NGLY1: variants seen among roughly 807,000 people sequenced by gnomAD.
NGLY1 encodes peptide-N(4)-(N-acetyl-beta-glucosaminyl)asparagine amidase.
In NGLY1, 68 loss-of-function variants were observed where a neutral mutation model predicts 84.6. That is an observed-to-expected ratio of 0.80 (90% CI 0.66 to 0.98). The LOEUF (loss-of-function observed/expected upper bound fraction) is 0.98, where lower values mean the gene tolerates loss of function less well. Ranked by LOEUF, NGLY1 falls within the 50% of genes least tolerant of loss-of-function variation. The probability of loss-of-function intolerance (pLI) is 0.00; values close to 1 mark genes in which losing one functional copy is unlikely to be tolerated. For missense variants in NGLY1, 779 were observed against 770.2 expected, an observed-to-expected ratio of 1.01 and a Z score of -0.14; for synonymous variants, 280 against 275.2, an observed-to-expected ratio of 1.02 and a Z score of -0.17.
intron 4 of NGLY1, among the ~76,000 whole-genome samples, chr3:25,741,888 CT>C (rs1321051619): frequency 2.6e-5 from 4 of 151,968 alleles, no homozygotes; most frequent in Admixed American, 1.3e-4. Flanking sequence ...GTAATCCCAG[CT>C]ACTCAGGAAG....
chr3:25,736,326 T>A (rs886284391), intron 6 of NGLY1, 177 bp from the exon 7 acceptor site: 2 of 1,551,554 alleles, frequency 1.3e-6, no homozygotes, highest in Non-Finnish European at 8.7e-7. Flanking sequence ...AATTTCTGTC[T>A]CTTTGAAATC....
chr3:25,737,257 TC>T (rs1381422319), intron 6 of NGLY1, 76 bp downstream of exon 6: 4 of 1,260,794 alleles, frequency 3.2e-6, no homozygotes, highest in Admixed American at 5.8e-5. Context: ...TAACAGAGAA[TC>T]ATGGGCTCAG....
intron 4 of NGLY1, among the ~76,000 whole-genome samples, chr3:25,740,799 T>C (rs1182558161): frequency 6.6e-6 from 1 of 152,100 alleles, no homozygotes; most frequent in Non-Finnish European, 1.5e-5. Context: ...TTTAATATAA[T>C]CCCAATTAAA....
intron 1 of NGLY1, among the ~76,000 whole-genome samples, chr3:25,779,619 T>C (rs1169499964): frequency 6.6e-6 from 1 of 152,186 alleles, no homozygotes; most frequent in Non-Finnish European, 1.5e-5. Context: ...TATGATATGG[T>C]GAGTAGGCAA....
intron 10 of NGLY1, among the ~76,000 whole-genome samples, chr3:25,722,354 T>C (rs1444593993): frequency 2.0e-5 from 3 of 152,024 alleles, no homozygotes; most frequent in East Asian, 3.9e-4. Flanking sequence ...GGGCAAATAG[T>C]TGAAAGTACC....
At chr3:25,732,283 A>G in intron 9 of NGLY1, 36 bp downstream of exon 9, 2 of 1,601,310 alleles carry the variant, frequency 1.2e-6, no homozygotes, top group Non-Finnish European at 1.7e-6. Context: ...GAAGCAGGAA[A>G]GTAAAAGGAT....
At chr3:25,742,086 C>T (rs1706175921) in intron 4 of NGLY1, among the ~76,000 whole-genome samples, 2 of 152,070 alleles carry the variant, frequency 1.3e-5, no homozygotes, top group South Asian at 4.1e-4. Flanking sequence ...TCACAAAGTC[C>T]ATAAAAGAAA....
intron 3 of NGLY1, among the ~76,000 whole-genome samples, chr3:25,756,271 A>C (rs1189208161): frequency 6.6e-6 from 1 of 152,136 alleles, no homozygotes; most frequent in African/African-American, 2.4e-5. Context: ...ATTGTTCTTA[A>C]ATGTAAAAGG....
At chr3:25,788,379 T>A (rs1057330960), upstream of NGLY1, among the ~76,000 whole-genome samples, 19 of 152,192 alleles carry the variant, frequency 1.2e-4, no homozygotes, top group African/African-American at 4.6e-4. Context: ...GAGGGTAGGA[T>A]AAGCAGAGCC....
At chr3:25,732,257 G>A in intron 9 of NGLY1, 62 bp downstream of exon 9, 1 of 1,495,814 alleles carries the variant, frequency 6.7e-7, no homozygotes, top group Non-Finnish European at 9.2e-7. Flanking sequence ...GATAGTATAG[G>A]AAGAGCATAG....
chr3:25,759,137 AGAG>A (rs1328546342), intron 3 of NGLY1, among the ~76,000 whole-genome samples: 3 of 152,184 alleles, frequency 2.0e-5, no homozygotes, highest in Non-Finnish European at 2.9e-5. Context: ...CATGGTGAAC[AGAG>A]GAGAAGGGAT....
chr3:25,786,028 G>A (rs1708594755), upstream of NGLY1, among the ~76,000 whole-genome samples: 1 of 152,226 alleles, frequency 6.6e-6, no homozygotes, highest in Admixed American at 6.5e-5. Flanking sequence ...TCACACAATA[G>A]TGAATCACTA....
At chr3:25,734,089 C>A (rs530091678) in intron 7 of NGLY1, 107 bp from the exon 8 acceptor site, 1 of 1,452,684 alleles carries the variant, frequency 6.9e-7, no homozygotes, top group South Asian at 1.3e-5. Context: ...TTTTTGGAGA[C>A]GAAGTCTCGC....
upstream of NGLY1, among the ~76,000 whole-genome samples, chr3:25,785,905 TATC>T (rs1350119897): frequency 1.3e-5 from 2 of 152,218 alleles, no homozygotes; most frequent in Non-Finnish European, 1.5e-5. Flanking sequence ...CACTGTAAGT[TATC>T]ATTAGTTTTG....
At chr3:25,742,773 G>A (rs1298497823) in intron 4 of NGLY1, among the ~76,000 whole-genome samples, 2 of 148,210 alleles carry the variant, frequency 1.3e-5, no homozygotes, top group African/African-American at 5.0e-5. Flanking sequence ...AAAATTCAAA[G>A]TCCCAACTCT....
In NGLY1 at chr3:25,783,369, T is replaced by C. The variant is rs1198660180; in HGVS notation, c.22A>G (p.Ser8Gly). The part of the protein sequence containing the change: MAAAALG[S>G]SSGSASPAVA... Reference sequence around the variant, plus strand: ...GCCGGGGACGCCGAGCCTGAGGAGCTGCCCAATGCCGCCGCCGCCATGCTT... The same window carrying C: ...GCCGGGGACGCCGAGCCTGAGGAGCCGCCCAATGCCGCCGCCGCCATGCTT... Residue 8 changes from serine to glycine, a missense_variant, in exon 1 of 12, where the codon AGC becomes GGC. Physicochemically the swap from Ser to Gly is moderately conservative, Grantham distance 56 (BLOSUM62 0). Coordinates refer to ENST00000280700, the MANE Select transcript of NGLY1 (RefSeq NM_018297.4). The surrounding 1 kb of genome is among the most constrained non-coding windows in gnomAD (Gnocchi z 4.5). The C allele has an allele frequency of 3.2e-6, 5 of 1,548,944 alleles. No individual in the cohort carries two copies. Among genetic ancestry groups the C allele is most frequent in the South Asian group, 1.2e-5 (1 of 85,112 alleles).
intron 2 of NGLY1, among the ~76,000 whole-genome samples, chr3:25,764,532 G>T (rs911538482): frequency 2.0e-5 from 3 of 151,788 alleles, no homozygotes; most frequent in South Asian, 2.1e-4. Flanking sequence ...CTCCTTTTTG[G>T]CATTTAATCC....
intron 2 of NGLY1, among the ~76,000 whole-genome samples, chr3:25,765,839 C>A (rs1355734288): frequency 2.0e-5 from 3 of 152,044 alleles, no homozygotes; most frequent in Non-Finnish European, 4.4e-5. Context: ...CTCAAGCGAT[C>A]TTCCATCCTC....
upstream of NGLY1, among the ~76,000 whole-genome samples, chr3:25,788,250 T>A (rs1025135404): frequency 1.3e-5 from 2 of 152,142 alleles, no homozygotes; most frequent in African/African-American, 4.8e-5. Context: ...ACATGTATAG[T>A]GAGAAAATCA....
Sources: gnomAD v4.1 joint callset for allele counts (sites outside exome capture counted in the v4.1 genomes callset) on GRCh38, gnomAD v4.1.1 for gene constraint, Gnocchi (gnomAD v3.1) non-coding constraint, MANE v1.5 for transcripts, NCBI Gene and HGNC (gene_info 2026-07-23, HGNC 2026-07-21) for gene names.